The following SOCS6 variants were observed in gnomAD, a reference collection of about 807,000 sequenced individuals.
SOCS6 encodes the protein STAT induced STAT inhibitor-4.
In SOCS6, 5 loss-of-function variants were observed where a neutral mutation model predicts 27.7. That is an observed-to-expected ratio of 0.18 (90% CI 0.09 to 0.38). SOCS6 has a LOEUF of 0.38. SOCS6 is among the 10% of genes least tolerant of loss of function. The pLI is 1.00. For synonymous variants in SOCS6, 271 were observed against 260.0 expected, an observed-to-expected ratio of 1.04 and a Z score of -0.41; for missense variants, 595 against 688.1, an observed-to-expected ratio of 0.86 and a Z score of 1.51.
chr18:70,312,386 A>C (rs1351597144), intron 1 of SOCS6, among the ~76,000 whole-genome samples: 1 of 152,116 alleles, frequency 6.6e-6, no homozygotes, highest in African/African-American at 2.4e-5. Context: ...TTTTGGCATG[A>C]GTATATATCC....
At chr18:70,312,834 C>T (rs544365916) in intron 1 of SOCS6, among the ~76,000 whole-genome samples, 5 of 134,410 alleles carry the variant, frequency 3.7e-5, no homozygotes, top group Non-Finnish European at 6.1e-5. Context: ...AGTGCAGTGG[C>T]GTGATCTTGG....
In SOCS6 at chr18:70,325,543, C is replaced by T. The variant is rs752248102; in HGVS notation, c.875C>T (p.Thr292Ile). 1.2e-6 allele frequency: 2 copies of T among 1,614,030 alleles called. No homozygotes were observed. Among genetic ancestry groups the T allele is most frequent in the African/African-American group, 1.3e-5 (1 of 74,906 alleles). The change falls in exon 2 of 2, where the codon ACC becomes ATC. Residue 292 changes from threonine (T) to isoleucine (I), a missense_variant. Physicochemically the swap from Thr to Ile is moderately conservative, Grantham distance 89. Coordinates refer to ENST00000397942, the MANE Select transcript of SOCS6 (RefSeq NM_004232.4). The surrounding 1 kb of genome is among the most constrained non-coding windows in gnomAD (Gnocchi z 6.3). ...DQSVNGLLIG[T>I]TGVMLQSPRA... ...TCCGTGAATGGCTTGTTGATTGGCA[C>T]CACGGGAGTCATGTTGCAGAGCCCG... is the stretch of plus-strand genomic sequence containing the variant.
intron 1 of SOCS6, among the ~76,000 whole-genome samples, chr18:70,314,928 G>A (rs2062405675): frequency 6.6e-6 from 1 of 151,698 alleles, no homozygotes; most frequent in South Asian, 2.1e-4. Flanking sequence ...GTCAGGAATT[G>A]ATGTTTAGTA....
chr18:70,317,544 C>A (rs1425485256), intron 1 of SOCS6, among the ~76,000 whole-genome samples: 1 of 102,290 alleles, frequency 9.8e-6, no homozygotes, highest in African/African-American at 4.8e-5. Flanking sequence ...ATACACACTT[C>A]ATATATACAT....
chr18:70,325,471 A>G lies in SOCS6; in HGVS notation c.803A>G (p.Gln268Arg). The change falls in exon 2 of 2, where the codon CAG becomes CGG. Residue 268 changes from glutamine to arginine, a missense_variant. By Grantham distance (43) the Gln-to-Arg change is conservative. Coordinates refer to ENST00000397942, the MANE Select transcript of SOCS6 (RefSeq NM_004232.4). The surrounding 1 kb of genome is among the most constrained non-coding windows in gnomAD (Gnocchi z 6.3). ...GGRAFPEDES[Q>R]VDQDLVVAPE... is the part of the protein sequence containing the mutation. The stretch of plus-strand genomic sequence containing the variant: ...CGCGCTTTCCCCGAGGATGAGAGTC[A>G]GGTAGACCAGGACCTAGTTGTCGCC... The G allele has an allele frequency of 1.2e-6, 2 of 1,614,182 alleles. No homozygotes were observed. The highest frequency in any genetic ancestry group is 8.5e-7 in the Non-Finnish European group (1 of 1,180,032).
chr18:70,314,645 CAT>C (rs539641390), intron 1 of SOCS6, among the ~76,000 whole-genome samples: 197 of 152,278 alleles, frequency 1.3e-3, no homozygotes, highest in African/African-American at 4.5e-3. Flanking sequence ...CACCTAACGA[CAT>C]ATTTCTCAGA....
Position 70,325,266 on chromosome 18 carries a change from G to A in SOCS6, c.598G>A (p.Asp200Asn), listed in dbSNP as rs542106064. The change falls in exon 2 of 2, where the codon GAC becomes AAC. Residue 200 changes from aspartate to asparagine, a missense_variant. By Grantham distance (23) the Asp-to-Asn change is conservative (BLOSUM62 1). Coordinates refer to ENST00000397942, the MANE Select transcript of SOCS6 (RefSeq NM_004232.4). This position sits in a 1 kb window ranked among gnomAD's most constrained non-coding sequence, Gnocchi z 6.3. ...GAAGAGCTCGGCTTCTCATAATGGA[G>A]ACCTGCATCTTCACCTGGATGAACA... is the stretch of plus-strand genomic sequence containing the variant. ...SLKSSASHNG[D>N]LHLHLDEHVP... The A allele has an allele frequency of 1.2e-6, 2 of 1,614,202 alleles. No homozygotes were observed. The highest frequency in any genetic ancestry group is 4.5e-5 in the East Asian group (2 of 44,880).
rs769617240 is a variant in SOCS6 at position 70,325,122 on chromosome 18, G to A, written c.454G>A (p.Glu152Lys). The A allele has an allele frequency of 1.2e-6, 2 of 1,614,058 alleles. No individual in the cohort carries two copies. Among genetic ancestry groups the A allele is most frequent in the African/African-American group, 1.3e-5 (1 of 75,044 alleles). The change falls in exon 2 of 2, where the codon GAG becomes AAG. Residue 152 changes from glutamate to lysine, a missense_variant. Around this residue, in one of 2 missense-constraint regions of SOCS6, gnomAD observed 467 missense variants for 481.1 expected, o/e 0.97. Transcript: ENST00000397942. The surrounding 1 kb of genome is among the most constrained non-coding windows in gnomAD (Gnocchi z 6.3). The part of the protein sequence containing the change: ...TNSEETCIKM[E>K]VRVKALVHSS... ...CTCCGAGGAGACCTGCATCAAGATG[G>A]AGGTGAGAGTCAAGGCCTTGGTTCA...
intron 1 of SOCS6, among the ~76,000 whole-genome samples, chr18:70,313,941 G>A (rs987032429): frequency 5.3e-5 from 8 of 152,300 alleles, no homozygotes; most frequent in Non-Finnish European, 1.0e-4. Flanking sequence ...AGAACAAGAT[G>A]TGTCTATGTA....
Position 70,297,754 on chromosome 18 carries a change from C to G in SOCS6, c.-127+8664C>G, listed in dbSNP as rs572775284. Among the ~76,000 whole-genome samples, 10 of 152,278 alleles carry G rather than the reference C, an allele frequency of 6.6e-5. No individual in the cohort carries two copies. In the South Asian group the frequency reaches 1.7e-3, roughly 25 times the overall value. On this transcript the variant is annotated intron_variant, in intron 1 of 1. Transcript: ENST00000397942. ...AATTATTGCTTTCCAAGATTCCCTT[C>G]AGCGCTAATGATCAATGAATGAAGT...
At chr18:70,314,706 A>G (rs2146285112) in intron 1 of SOCS6, among the ~76,000 whole-genome samples, 1 of 152,282 alleles carries the variant, frequency 6.6e-6, no homozygotes, top group South Asian at 2.1e-4. Context: ...ATGTTTAATC[A>G]TTTCATAAGG....
intron 1 of SOCS6, among the ~76,000 whole-genome samples, chr18:70,299,562 G>A (rs2062339230): frequency 6.6e-6 from 1 of 152,170 alleles, no homozygotes; most frequent in Non-Finnish European, 1.5e-5. Context: ...GATAGGGACG[G>A]GGGGTCGGTG....
At chr18:70,294,325 G>A (rs1480954172) in intron 1 of SOCS6, among the ~76,000 whole-genome samples, 2 of 151,968 alleles carry the variant, frequency 1.3e-5, no homozygotes, top group African/African-American at 4.8e-5. Context: ...CCACTGAGTA[G>A]GAGTCCGTTT....
In SOCS6 at chr18:70,328,599, T is replaced by C. The variant is rs1300853097; in HGVS notation, c.*2323T>C. ...CCAAATTTTGATGCGCTTTTGTATA[T>C]TCATAATATATACTTTAATATGCCC... On this transcript the variant is annotated 3_prime_UTR_variant, in exon 2 of 2. Transcript: ENST00000397942. The C allele has an allele frequency of 6.0e-6, 1 of 166,998 alleles. No homozygotes were observed. The highest frequency in any genetic ancestry group is 2.4e-5 in the African/African-American group (1 of 41,444). The allele number at this position is 166,998 out of a possible 1,614,324, so 10.3% of individuals were successfully genotyped here. A position where few individuals can be genotyped will look rare whatever the true frequency, so the allele number is the denominator to read the frequency against.
chr18:70,298,608 G>C (rs1202659531), intron 1 of SOCS6, among the ~76,000 whole-genome samples: 1 of 152,168 alleles, frequency 6.6e-6, no homozygotes, highest in Non-Finnish European at 1.5e-5. Context: ...CTTACTAGTA[G>C]TAAGTTGGGG....
chr18:70,310,437 A>G (rs967358743), intron 1 of SOCS6, among the ~76,000 whole-genome samples: 1 of 143,882 alleles, frequency 7.0e-6, no homozygotes, highest in Non-Finnish European at 1.5e-5. Flanking sequence ...ATTCGTCACC[A>G]TGCCTGGCTA....
intron 1 of SOCS6, among the ~76,000 whole-genome samples, chr18:70,315,481 G>GT (rs1371023870): frequency 3.9e-5 from 6 of 152,108 alleles, no homozygotes; most frequent in Non-Finnish European, 7.4e-5. Flanking sequence ...TTTCAAAGTA[G>GT]TTTTACACAT....
intron 1 of SOCS6, among the ~76,000 whole-genome samples, chr18:70,290,007 C>G (rs2062291851): frequency 6.6e-6 from 1 of 152,212 alleles, no homozygotes; most frequent in African/African-American, 2.4e-5. Flanking sequence ...CCCATCCCCA[C>G]TGTTTGGAAT....
intron 1 of SOCS6, among the ~76,000 whole-genome samples, chr18:70,293,586 C>T (rs900545669): frequency 1.3e-5 from 2 of 152,042 alleles, no homozygotes; most frequent in African/African-American, 2.4e-5. Context: ...AGAATTAAGC[C>T]AGAAGGAAAA....
Sources: allele counts gnomAD v4.1 joint callset (sites outside exome capture counted in the v4.1 genomes callset), GRCh38; gene constraint gnomAD v4.1.1; regional missense constraint gnomAD v4.1.1; non-coding constraint Gnocchi (gnomAD v3.1); transcripts MANE v1.5; gene names NCBI Gene and HGNC (gene_info 2026-07-23, HGNC 2026-07-21).